PARN: variants seen among roughly 807,000 people sequenced by gnomAD.
PARN encodes poly(A)-specific ribonuclease PARN.
In PARN, 71 loss-of-function variants were observed where a neutral mutation model predicts 102.8. The ratio of observed to expected loss-of-function variants is 0.69; its 90% CI spans 0.57 to 0.84. PARN has a LOEUF of 0.84. Among genes scored for constraint, PARN ranks in the 40% least tolerant of loss-of-function variants. The pLI, the probability that PARN is intolerant of heterozygous loss-of-function variation, is 0.00. For missense variants in PARN, 782 were observed against 760.9 expected (o/e 1.03, Z -0.33); for synonymous variants, 261 against 252.9 (o/e 1.03, Z -0.30).
intron 6 of PARN, among the ~76,000 whole-genome samples, chr16:14,617,041 T>G (rs899266990): frequency 1.3e-5 from 2 of 151,392 alleles, no homozygotes; most frequent in Non-Finnish European, 2.9e-5. Flanking sequence ...TCTATTCTGT[T>G]TAGCTCATGG....
intron 5 of PARN, among the ~76,000 whole-genome samples, chr16:14,622,650 G>A (rs1018890095): frequency 1.8e-4 from 27 of 152,160 alleles, no homozygotes; most frequent in African/African-American, 3.9e-4. Flanking sequence ...GACTACAGGC[G>A]CCCGCCCCCA....
In PARN at chr16:14,446,975, G is replaced by T. The variant is rs1961229056; in HGVS notation, c.1777C>A (p.Gln593Lys). 6.2e-7 allele frequency: 1 copy of T among 1,613,662 alleles called. No homozygotes were observed. The highest frequency in any genetic ancestry group is 1.3e-5 in the African/African-American group (1 of 75,004). Residue 593 changes from glutamine to lysine, a missense_variant, in exon 23 of 24, where the codon CAG becomes AAG. By Grantham distance (53) the Gln-to-Lys change is moderately conservative. Transcript: ENST00000437198. The stretch of plus-strand genomic sequence containing the variant: ...AGGGGCTCTGCACAGGAATCGGTCT[G>T]CTCAAGCTCAGTGTCGGAAATCTCC... ...SGEISDTELE[Q>K]TDSCAEPLSE... is the part of the protein sequence containing the mutation.
chr16:14,436,460 C>T lies in PARN; in HGVS notation c.*257G>A, dbSNP rs1434408255. Reference sequence around the variant, plus strand: ...GGCCTCACAAGAGCAACACGGAATTCACTGGTTAAGCACGTACACATTCAT... The same window carrying T: ...GGCCTCACAAGAGCAACACGGAATTTACTGGTTAAGCACGTACACATTCAT... On this transcript the variant is annotated 3_prime_UTR_variant, in exon 24 of 24. Coordinates refer to ENST00000437198, the MANE Select transcript of PARN (RefSeq NM_002582.4). 2 of 525,536 alleles carry T rather than the reference C, an allele frequency of 3.8e-6. No individual in the cohort carries two copies. Among genetic ancestry groups the T allele is most frequent in the African/African-American group, 1.9e-5 (1 of 52,428 alleles). 32.6% of individuals were successfully genotyped at this position (525,536 alleles called of 1,614,324 possible).
chr16:14,513,504 G>A (rs570718052), intron 21 of PARN, among the ~76,000 whole-genome samples: 2 of 152,192 alleles, frequency 1.3e-5, no homozygotes, highest in East Asian at 3.9e-4. Context: ...GTTACCTTAT[G>A]GCTAAGAACT....
At chr16:14,578,678 AAC>A (rs1969316321) in intron 18 of PARN, 1 of 152,178 alleles carries the variant, frequency 6.6e-6, no homozygotes, top group African/African-American at 2.4e-5. Context: ...AAAGAAAAAA[AAC>A]ACAGTTCTTA....
chr16:14,583,867 C>T (rs1969678406), intron 16 of PARN, among the ~76,000 whole-genome samples: 1 of 152,146 alleles, frequency 6.6e-6, no homozygotes, highest in Non-Finnish European at 1.5e-5. Context: ...TCTGGTTTTC[C>T]TCAGTGCTGC....
chr16:14,617,795 C>T (rs767682686), intron 5 of PARN, 145 bp from the exon 6 acceptor site: 3 of 630,044 alleles, frequency 4.8e-6, no homozygotes, highest in Non-Finnish European at 8.6e-6. Context: ...GGAATTTCTA[C>T]TCCACAAACA....
intron 22 of PARN, among the ~76,000 whole-genome samples, chr16:14,476,572 G>C (rs572962553): frequency 6.6e-6 from 1 of 152,368 alleles, no homozygotes; most frequent in African/African-American, 2.4e-5. Context: ...GCTCGTGCCT[G>C]TAAGCCCAGC....
chr16:14,604,239 A>G lies in PARN; in HGVS notation c.703-13T>C, dbSNP rs537606213. Reference sequence around the variant, plus strand: ...TATATCGCTCCTTCTAAAAGACATAAAGCAGATATACAATTTTCTTTTCTT... The same window carrying G: ...TATATCGCTCCTTCTAAAAGACATAGAGCAGATATACAATTTTCTTTTCTT... On this transcript the variant is annotated splice_polypyrimidine_tract_variant and intron_variant, in intron 10 of 23. Transcript: ENST00000437198. 51 of 1,480,984 alleles carry G rather than the reference A, an allele frequency of 3.4e-5. 1 individual carries two copies. The South Asian group carries it at 6.3e-4, about 18-fold the overall frequency. The allele number at this position is 1,480,984 out of a possible 1,614,324, so 91.7% of individuals were successfully genotyped here. A position where few individuals can be genotyped will look rare whatever the true frequency, so the allele number is the denominator to read the frequency against.
At chr16:14,501,466 AGAAAAAGAGAATGAATGTT>A (rs1871340363) in intron 21 of PARN, 2 of 145,510 alleles carry the variant, frequency 1.4e-5, no homozygotes, top group Non-Finnish European at 3.0e-5. Flanking sequence ...AAAAACAGAA[AGAAAAAGAGAATGAATGTT>A]AAAATGTAGG....
At chr16:14,507,702 T>C (rs1404853690) in intron 21 of PARN, among the ~76,000 whole-genome samples, 2 of 152,022 alleles carry the variant, frequency 1.3e-5, no homozygotes, top group Non-Finnish European at 2.9e-5. Context: ...CAAGTGAAAT[T>C]CTAGAGACTT....
chr16:14,558,088 T>C (rs888007223), intron 18 of PARN, among the ~76,000 whole-genome samples: 1 of 152,316 alleles, frequency 6.6e-6, no homozygotes, highest in Admixed American at 6.5e-5. Context: ...TTAGTAAATT[T>C]AGAAATAGTC....
At position 14,492,290 on chromosome 16, in the gene PARN, G is replaced by T. The variant is rs1279136635; in HGVS notation, c.1481-9463C>A. 3.9e-5 allele frequency among the ~76,000 whole-genome samples: 6 copies of T among 152,164 alleles called. No individual in the cohort carries two copies. The East Asian group carries it at 1.2e-3, about 29-fold the overall frequency. ...GCTTTCTCAGGGCCTCCATGGCAGC[G>T]CCTGACCCATGAGATGCACTCAGGA... On this transcript the variant is annotated intron_variant, in intron 21 of 23. Transcript: ENST00000437198.
chr16:14,591,251 C>T (rs776561145), intron 13 of PARN, among the ~76,000 whole-genome samples: 8 of 151,936 alleles, frequency 5.3e-5, no homozygotes, highest in Non-Finnish European at 1.2e-4. Context: ...ATTAGCAGGG[C>T]GTGGTGGTGC....
At chr16:14,492,398 G>A (rs900342587) in intron 21 of PARN, among the ~76,000 whole-genome samples, 5 of 152,228 alleles carry the variant, frequency 3.3e-5, no homozygotes, top group Non-Finnish European at 1.5e-5. Context: ...GAACCTGGGA[G>A]AGCCGTGAGG....
chr16:14,490,888 T>C (rs896389473), intron 21 of PARN, among the ~76,000 whole-genome samples: 4 of 152,122 alleles, frequency 2.6e-5, no homozygotes, highest in Non-Finnish European at 4.4e-5. Flanking sequence ...TTATCAGATT[T>C]TGCAAAAGGG....
At chr16:14,626,587 G>A (rs1284373909) in intron 5 of PARN, among the ~76,000 whole-genome samples, 2 of 151,696 alleles carry the variant, frequency 1.3e-5, no homozygotes, top group African/African-American at 2.4e-5. Context: ...CTGTCTGTCT[G>A]TCTCTGCATC....
At chr16:14,588,917 C>A (rs1970012649) in intron 13 of PARN, among the ~76,000 whole-genome samples, 1 of 151,368 alleles carries the variant, frequency 6.6e-6, no homozygotes, top group African/African-American at 2.4e-5. Flanking sequence ...TGGTGGCTCA[C>A]ACCTGTAATC....
chr16:14,523,802 A>G (rs1965859715), intron 21 of PARN, among the ~76,000 whole-genome samples: 1 of 152,124 alleles, frequency 6.6e-6, no homozygotes, highest in Non-Finnish European at 1.5e-5. Context: ...AGGTCCTTAA[A>G]CAACCTAAGT....
Sources: gnomAD v4.1 joint callset for allele counts (sites outside exome capture counted in the v4.1 genomes callset) on GRCh38, gnomAD v4.1.1 for gene constraint, MANE v1.5 for transcripts, NCBI Gene and HGNC (gene_info 2026-07-23, HGNC 2026-07-21) for gene names.